ZNF678: variants seen among roughly 807,000 people sequenced by gnomAD.
The protein encoded by ZNF678 is zinc finger protein 678, also known as hypothetical protein MGC42493.
A neutral mutation model predicts 3.0 loss-of-function variants in ZNF678; 5 were observed. The ratio of observed to expected loss-of-function variants is 1.69; its 90% confidence interval spans 0.88 to 3.56. ZNF678 has a LOEUF of 3.56. Ranked by LOEUF, ZNF678 falls within the 30% of genes most tolerant of loss-of-function variation. ZNF678 has a pLI of 0.00. For missense variants in ZNF678, 593 were observed against 605.0 expected (o/e 0.98, Z 0.21); for synonymous variants, 218 against 199.6 (o/e 1.09, Z -0.78).
chr1:227,624,454 G>A (rs1399421186), intron 1 of ZNF678, among the ~76,000 whole-genome samples: 1 of 152,196 alleles, frequency 6.6e-6, no homozygotes, highest in Non-Finnish European at 1.5e-5. Flanking sequence ...TTCAAGCATT[G>A]CCACCTCCTT....
At chr1:227,623,389 T>C (rs1658328486) in intron 1 of ZNF678, among the ~76,000 whole-genome samples, 1 of 152,206 alleles carries the variant, frequency 6.6e-6, no homozygotes, top group Non-Finnish European at 1.5e-5. Flanking sequence ...ATCTGTGACA[T>C]GGGGAATAAC....
At chr1:227,589,462 G>A (rs1657350198) in intron 1 of ZNF678, among the ~76,000 whole-genome samples, 1 of 151,608 alleles carries the variant, frequency 6.6e-6, no homozygotes, top group African/African-American at 2.4e-5. Flanking sequence ...TGTGTAGCAG[G>A]ACGAGCTGCA....
intron 1 of ZNF678, among the ~76,000 whole-genome samples, chr1:227,595,913 C>T (rs1657573868): frequency 6.6e-6 from 1 of 152,128 alleles, no homozygotes; most frequent in Non-Finnish European, 1.5e-5. Context: ...AAACCAAAAC[C>T]AAAACCAAAG....
At position 227,573,907 on chromosome 1, in the gene ZNF678, A is replaced by G. The variant is rs549713989; in HGVS notation, c.-164+10183A>G. ...TCTCATCATTTAGCTTCCACTTACA[A>G]GTGAGAATATGCAGTATTTGTTTTT... On this transcript the variant is annotated intron_variant, in intron 1 of 3. Transcript: ENST00000343776. 3.9e-5 allele frequency among the ~76,000 whole-genome samples: 6 copies of G among 152,252 alleles called. No individual in the cohort carries two copies. In the East Asian group the frequency reaches 5.8e-4, roughly 15 times the overall value.
chr1:227,587,690 G>A (rs1657296423), intron 1 of ZNF678, among the ~76,000 whole-genome samples: 1 of 152,100 alleles, frequency 6.6e-6, no homozygotes, highest in South Asian at 2.1e-4. Context: ...TTTACAAAGT[G>A]CATGATGCAG....
chr1:227,593,927 A>G (rs1231353344), intron 1 of ZNF678, among the ~76,000 whole-genome samples: 4 of 140,180 alleles, frequency 2.9e-5, no homozygotes, highest in African/African-American at 5.2e-5. Context: ...AAGGTAGGGT[A>G]CTTCCAGGCT....
At chr1:227,653,254 T>A (rs1359239783) in intron 3 of ZNF678, among the ~76,000 whole-genome samples, 1 of 152,024 alleles carries the variant, frequency 6.6e-6, no homozygotes, top group Non-Finnish European at 1.5e-5. Flanking sequence ...TCTTTTTGTG[T>A]TTATTCTTGA....
In ZNF678 at chr1:227,657,051, A is replaced by G. The variant is rs911623748; in HGVS notation, c.*1223A>G. 2 of 151,692 alleles carry G rather than the reference A, an allele frequency of 1.3e-5. No individual in the cohort carries two copies. The highest frequency in any genetic ancestry group is 1.9e-4 in the East Asian group (1 of 5,174). 9.4% of individuals were successfully genotyped at this position (151,692 alleles called of 1,614,324 possible). A position where few individuals can be genotyped will look rare whatever the true frequency, so the allele number is the denominator to read the frequency against. On this transcript the variant is annotated 3_prime_UTR_variant, in exon 4 of 4. Transcript: ENST00000343776. Reference sequence around the variant, plus strand: ...CTTTGGTTTTTTTGTGCCTTACCTCATGTTGAAATGTGTTCCCCCATGTTG... The same window carrying G: ...CTTTGGTTTTTTTGTGCCTTACCTCGTGTTGAAATGTGTTCCCCCATGTTG...
chr1:227,653,834 C>T (rs1256342423), intron 3 of ZNF678, among the ~76,000 whole-genome samples: 2 of 152,122 alleles, frequency 1.3e-5, no homozygotes, highest in Admixed American at 6.6e-5. Flanking sequence ...TCTTAGCAGA[C>T]CAAAGCTGTC....
Position 227,642,024 on chromosome 1 carries a change from A to G in ZNF678, c.-163-4520A>G, listed in dbSNP as rs1400128664. ...TTGAATCTAGGTCCTGGGGTTCTTC[A>G]GCATCTGTTAGAGAAGGCTTCATGA... On this transcript the variant is annotated intron_variant, in intron 1 of 3. Transcript: ENST00000343776. Among the ~76,000 whole-genome samples the G allele has an allele frequency of 2.0e-5, 3 of 152,322 alleles. No homozygotes were observed. The East Asian group carries it at 5.8e-4, about 29-fold the overall frequency.
Position 227,654,719 on chromosome 1 carries a change from G to A in ZNF678, c.469G>A (p.Glu157Lys), listed in dbSNP as rs368224195. Residue 157 changes from glutamate (E) to lysine (K), a missense_variant, in exon 4 of 4, where the codon GAA becomes AAA. Coordinates refer to ENST00000343776, the MANE Select transcript of ZNF678 (RefSeq NM_001367909.1). Reference protein sequence around the residue: ...HTGEKPYKCDECGKVFNWWSQ... With the variant: ...HTGEKPYKCDKCGKVFNWWSQ... ...TGGAGAGAAACCCTACAAATGTGAC[G>A]AATGTGGCAAAGTTTTTAATTGGTG... is the stretch of plus-strand genomic sequence containing the variant. 12 of 1,613,016 alleles carry A rather than the reference G, an allele frequency of 7.4e-6. No individual in the cohort carries two copies. The African/African-American group carries it at 8.0e-5, about 11-fold the overall frequency.
Position 227,649,698 on chromosome 1 carries a change from T to C in ZNF678, c.-36-1258T>C, listed in dbSNP as rs139971112. Reference sequence around the variant, plus strand: ...CTGTTACCTCACTTTTTAATGTATATGTATTAGTCATCTTAAGTGTGAAGT... The same window carrying C: ...CTGTTACCTCACTTTTTAATGTATACGTATTAGTCATCTTAAGTGTGAAGT... On this transcript the variant is annotated intron_variant, in intron 2 of 3. Coordinates refer to ENST00000343776, the MANE Select transcript of ZNF678 (RefSeq NM_001367909.1). Among the ~76,000 whole-genome samples the C allele has an allele frequency of 4.8e-4, 73 of 152,302 alleles. 1 individual carries two copies. The East Asian group carries it at 8.3e-3, about 17-fold the overall frequency.
chr1:227,655,970 G>T lies in ZNF678; in HGVS notation c.*142G>T. On this transcript the variant is annotated 3_prime_UTR_variant, in exon 4 of 4. Transcript: ENST00000343776. ...CTGAATGAAATTTATAAATATAAAAGATTACAATATCTTTATTTCAAAGAT... is the reference window on the plus strand; with the variant it reads ...CTGAATGAAATTTATAAATATAAAATATTACAATATCTTTATTTCAAAGAT... 2 of 581,664 alleles carry T rather than the reference G, an allele frequency of 3.4e-6. No individual in the cohort carries two copies. Among genetic ancestry groups the T allele is most frequent in the Non-Finnish European group, 5.4e-6 (2 of 367,232 alleles). 36.0% of individuals were successfully genotyped at this position (581,664 alleles called of 1,614,324 possible). A position where few individuals can be genotyped will look rare whatever the true frequency, so the allele number is the denominator to read the frequency against.
intron 2 of ZNF678, among the ~76,000 whole-genome samples, chr1:227,648,895 C>T (rs540830029): frequency 1.3e-5 from 2 of 152,200 alleles, no homozygotes; most frequent in South Asian, 4.1e-4. Context: ...CCTGCCAACT[C>T]CCTCTGTACT....
chr1:227,567,074 T>G (rs1476281883), intron 1 of ZNF678, among the ~76,000 whole-genome samples: 1 of 152,224 alleles, frequency 6.6e-6, no homozygotes, highest in Non-Finnish European at 1.5e-5. Flanking sequence ...TGTTCTGTAT[T>G]TAATTATCTG....
intron 1 of ZNF678, among the ~76,000 whole-genome samples, chr1:227,598,200 C>T (rs1020446934): frequency 1.3e-5 from 2 of 152,110 alleles, no homozygotes; most frequent in Non-Finnish European, 2.9e-5. Context: ...GTATTATCTC[C>T]CAGAATTATC....
chr1:227,606,258 G>T (rs1657866780), intron 1 of ZNF678, among the ~76,000 whole-genome samples: 1 of 152,146 alleles, frequency 6.6e-6, no homozygotes, highest in African/African-American at 2.4e-5. Flanking sequence ...GGGTGAATAG[G>T]GTGATGGTGG....
chr1:227,603,863 G>A (rs182008466), intron 1 of ZNF678, among the ~76,000 whole-genome samples: 12 of 152,278 alleles, frequency 7.9e-5, no homozygotes, highest in Admixed American at 2.6e-4. Flanking sequence ...TCATCTTAGT[G>A]TTACACAACC....
Position 227,656,898 on chromosome 1 carries a change from C to A in ZNF678, c.*1070C>A, listed in dbSNP as rs1659262624. ...CAATAATTAACCTATACCACCTTAC[C>A]CAAAGTTGTAGGTAACAGATAGTAA... On this transcript the variant is annotated 3_prime_UTR_variant, in exon 4 of 4. Coordinates refer to ENST00000343776, the MANE Select transcript of ZNF678 (RefSeq NM_001367909.1). The A allele has an allele frequency of 6.6e-6, 1 of 151,764 alleles. No individual in the cohort carries two copies. Among genetic ancestry groups the A allele is most frequent in the African/African-American group, 2.4e-5 (1 of 41,348 alleles). The allele number at this position is 151,764 out of a possible 1,614,324, so 9.4% of individuals were successfully genotyped here.
Sources: gnomAD v4.1 joint callset for allele counts (sites outside exome capture counted in the v4.1 genomes callset) on GRCh38, gnomAD v4.1.1 for gene constraint, MANE v1.5 for transcripts, NCBI Gene and HGNC (gene_info 2026-07-23, HGNC 2026-07-21) for gene names.